The following ZNF263 variants were observed in gnomAD, a reference collection of about 807,000 sequenced individuals.
The protein encoded by ZNF263 is zinc finger protein FPM315.
Under a neutral mutation model 63.1 loss-of-function variants are expected in ZNF263, and 49 were observed. The ratio of observed to expected loss-of-function variants is 0.78; its 90% CI spans 0.62 to 0.99. The LOEUF (loss-of-function observed/expected upper bound fraction) is 0.99. Among genes scored for constraint, ZNF263 ranks in the 50% least tolerant of loss-of-function variants. ZNF263 has a pLI of 0.00. For missense variants in ZNF263, 872 were observed against 854.8 expected (o/e 1.02, Z -0.25); for synonymous variants, 352 against 324.2 (o/e 1.09, Z -0.92).
At position 3,283,744 on chromosome 16, in the gene ZNF263, A is replaced by G; in HGVS notation, c.-75A>G. 6.9e-7 allele frequency: 1 copy of G among 1,450,794 alleles called. No individual in the cohort carries two copies. The highest frequency in any genetic ancestry group is 9.0e-7 in the Non-Finnish European group (1 of 1,106,322). The allele number at this position is 1,450,794 out of a possible 1,614,324, so 89.9% of individuals were successfully genotyped here. A position where few individuals can be genotyped will look rare whatever the true frequency, so the allele number is the denominator to read the frequency against. The stretch of plus-strand genomic sequence containing the variant: ...CCCGGGCTCCTGCTGGCGCCGTCCA[A>G]CCTTACATGGGTTCAGGGCGCCTTC... On this transcript the variant is annotated 5_prime_UTR_variant, in exon 1 of 6. Transcript: ENST00000219069.
At chr16:3,293,517 G>C (rs1049576373), downstream of ZNF263, 1 of 152,250 alleles carries the variant, frequency 6.6e-6, no homozygotes, top group African/African-American at 2.4e-5. Context: ...TGTAAAAGAA[G>C]CCAAAACAGT....
At chr16:3,295,740 AAAGG>A (rs1959727403), downstream of ZNF263, among the ~76,000 whole-genome samples, 1 of 152,256 alleles carries the variant, frequency 6.6e-6, no homozygotes, top group African/African-American at 2.4e-5. Context: ...AGGGGACAGA[AAAGG>A]AAGGCAGGGC....
rs758321279 is a variant in ZNF263, at chr16:3,288,559, G to T, written c.875G>T (p.Gly292Val). The change falls in exon 5 of 6, where the codon GGC becomes GTC. Residue 292 changes from glycine (G) to valine (V), a missense_variant. By Grantham distance (109) the Gly-to-Val change is moderately radical. Transcript: ENST00000219069. ...TGCAAGGAGGGCCTGAGCCCCAGAG[G>T]CCCAGCTCCAGGTAAGGAATGAAGA... ...QSCKEGLSPR[G>V]PAPGEEKFEN... is the part of the protein sequence containing the mutation. 7.5e-6 allele frequency: 12 copies of T among 1,610,050 alleles called. No individual in the cohort carries two copies. In the Admixed American group the frequency reaches 1.7e-4, roughly 23 times the overall value.
At position 3,289,466 on chromosome 16, in the gene ZNF263, TC is replaced by T; in HGVS notation, c.962del (p.Pro321LeufsTer73). On this transcript the variant is annotated frameshift_variant, in exon 6 of 6. Coordinates refer to ENST00000219069, the MANE Select transcript of ZNF263 (RefSeq NM_005741.5). LOFTEE classifies it high-confidence loss of function. ...AGAACATCCACCCTCAGGTGCTGCT[TC>T]CTGACCAGGCCCGAGGGGAGGTGCC... The part of the protein sequence containing the change: ...SENIHPQVLL[P>X]DQARGEVPWS... The T allele has an allele frequency of 1.3e-6, 2 of 1,536,016 alleles. No homozygotes were observed. The highest frequency in any genetic ancestry group is 1.7e-6 in the Non-Finnish European group (2 of 1,144,548).
chr16:3,285,637 AG>A, intron 2 of ZNF263, 43 bp from the exon 3 acceptor site: 1 of 1,595,036 alleles, frequency 6.3e-7, no homozygotes, highest in South Asian at 1.1e-5. Flanking sequence ...TGGGTTGCCA[AG>A]AGTTAGGAAT....
downstream of ZNF263, among the ~76,000 whole-genome samples, chr16:3,292,414 G>A (rs1004381439): frequency 2.0e-5 from 3 of 152,152 alleles, no homozygotes; most frequent in African/African-American, 7.2e-5. Flanking sequence ...GAGGGCAGTG[G>A]TGGTGTGGGG....
Position 3,289,762 on chromosome 16 carries a change from C to T in ZNF263, c.1256C>T (p.Pro419Leu), listed in dbSNP as rs1959531332. 1.9e-6 allele frequency: 3 copies of T among 1,614,194 alleles called. No individual in the cohort carries two copies. The highest frequency in any genetic ancestry group is 2.5e-6 in the Non-Finnish European group (3 of 1,180,036). ...TGCACTGAAATCTTTGGTGGGAACC[C>T]ACGTTTCCTGTCACTACACAGAGCA... ...VDCTEIFGGNPRFLSLHRAHL... is the reference protein window; with the variant it reads ...VDCTEIFGGNLRFLSLHRAHL... Residue 419 changes from proline (P) to leucine (L), a missense_variant, in exon 6 of 6, where the codon CCA becomes CTA. Pro to Leu is a moderately conservative substitution (Grantham distance 98). Transcript: ENST00000219069.
chr16:3,284,969 T>C (rs1786404209), intron 1 of ZNF263, 90 bp from the exon 2 acceptor site: 14 of 1,498,000 alleles, frequency 9.3e-6, no homozygotes, highest in Middle Eastern at 4.3e-4. Context: ...CCTGAGGTTC[T>C]CTGTTGAAGG....
chr16:3,299,824 T>G, intron 2 of ZNF263: 1 of 1,590,126 alleles, frequency 6.3e-7, no homozygotes. Context: ...AAAAAACCAT[T>G]CTGAAAACAA....
chr16:3,298,733 A>C (rs549488963), intron 1 of ZNF263: 2 of 317,764 alleles, frequency 6.3e-6, no homozygotes, highest in East Asian at 9.7e-5. Context: ...ACCTTAGATA[A>C]TCTGGGACAA....
rs1959255645 is a variant in ZNF263, at chr16:3,284,203, C to CA, written c.386dup (p.Val130GlyfsTer35). The CA allele has an allele frequency of 6.5e-7, 1 of 1,532,308 alleles. No individual in the cohort carries two copies. Among genetic ancestry groups the CA allele is most frequent in the African/African-American group, 1.4e-5 (1 of 72,598 alleles). The allele number at this position is 1,532,308 out of a possible 1,614,324, so 94.9% of individuals were successfully genotyped here. Reference sequence around the variant, plus strand: ...GAGAGAGCTTGGGAGACTGAGACAACAGGTGAGAGAGAGAGAGAGCTGTTT... The same window carrying CA: ...GAGAGAGCTTGGGAGACTGAGACAACAAGGTGAGAGAGAGAGAGAGCTGTTT... On this transcript the variant is annotated frameshift_variant and splice_region_variant, in exon 1 of 6. Coordinates refer to ENST00000219069, the MANE Select transcript of ZNF263 (RefSeq NM_005741.5). LOFTEE classifies it high-confidence loss of function.
At chr16:3,286,300 C>T (rs1488788217) in intron 4 of ZNF263, 151 bp downstream of exon 4, 14 of 1,154,098 alleles carry the variant, frequency 1.2e-5, no homozygotes, top group Non-Finnish European at 1.5e-5. Flanking sequence ...GTACGAGAGT[C>T]ATGTATCTGC....
At chr16:3,291,568 T>C, downstream of ZNF263, 1 of 911,612 alleles carries the variant, frequency 1.1e-6, no homozygotes, top group Non-Finnish European at 1.3e-6. Context: ...ACTGGGTTGG[T>C]CAGGAAGATG....
Position 3,288,552 on chromosome 16 carries a change from C to T in ZNF263, c.868C>T (p.Pro290Ser), listed in dbSNP as rs1267209372. ...CCAGAGCTGCAAGGAGGGCCTGAGCCCCAGAGGCCCAGCTCCAGGTAAGGA... is the reference window on the plus strand; with the variant it reads ...CCAGAGCTGCAAGGAGGGCCTGAGCTCCAGAGGCCCAGCTCCAGGTAAGGA... Reference protein sequence around the residue: ...SVQSCKEGLSPRGPAPGEEKF... With the variant: ...SVQSCKEGLSSRGPAPGEEKF... The change falls in exon 5 of 6, where the codon CCC (proline) becomes TCC (serine). Residue 290 changes from proline (P) to serine (S), a missense_variant. Transcript: ENST00000219069. 1.3e-5 allele frequency: 21 copies of T among 1,610,730 alleles called. 1 individual carries two copies. The highest frequency in any genetic ancestry group is 1.8e-5 in the Non-Finnish European group (21 of 1,178,584).
chr16:3,298,862 T>C (rs1053610342), intron 1 of ZNF263: 10 of 425,576 alleles, frequency 2.3e-5, no homozygotes, highest in African/African-American at 1.6e-4. Flanking sequence ...TTATAACCAT[T>C]ATATAAATGG....
intron 2 of ZNF263, 140 bp from the exon 3 acceptor site, chr16:3,285,541 G>T (rs1393229801): frequency 1.2e-6 from 1 of 836,422 alleles, no homozygotes; most frequent in East Asian, 2.6e-5. Context: ...TTGGATATCA[G>T]CTGATTAGGC....
chr16:3,299,620 T>C (rs1393255546), intron 2 of ZNF263: 3 of 1,564,914 alleles, frequency 1.9e-6, no homozygotes, highest in African/African-American at 2.8e-5. Flanking sequence ...GATCACACCT[T>C]GATTCATTGG....
At chr16:3,288,658 GT>G in intron 5 of ZNF263, 88 bp downstream of exon 5, 1 of 936,680 alleles carries the variant, frequency 1.1e-6, no homozygotes. Context: ...GTTTTGTTTT[GT>G]TTTGAGATGG....
rs1016981747 is a variant in ZNF263 at position 3,290,242 on chromosome 16, C to T, written c.1736C>T (p.Thr579Ile). ...GAGAAGAAGCTCTTTGAATGTTTGA[C>T]TTGTGGGAAAAGCTTCCGGCAGGGC... ...KAEKKLFECL[T>I]CGKSFRQGMH... Residue 579 changes from threonine to isoleucine, a missense_variant, in exon 6 of 6, where the codon ACT becomes ATT. Physicochemically the swap from Thr to Ile is moderately conservative, Grantham distance 89 (BLOSUM62 -1). Transcript: ENST00000219069. The T allele has an allele frequency of 2.5e-6, 4 of 1,614,164 alleles. No homozygotes were observed. Among genetic ancestry groups the T allele is most frequent in the Non-Finnish European group, 3.4e-6 (4 of 1,180,038 alleles).
Sources: allele counts gnomAD v4.1 joint callset (sites outside exome capture counted in the v4.1 genomes callset), GRCh38; gene constraint gnomAD v4.1.1; transcripts MANE v1.5; gene names NCBI Gene and HGNC (gene_info 2026-07-23, HGNC 2026-07-21).